GPR19: variants seen among roughly 807,000 people sequenced by gnomAD.
GPR19 encodes the protein G protein-coupled receptor 19.
Under a neutral mutation model 28.5 loss-of-function variants are expected in GPR19, and 14 were observed. The observed-to-expected ratio is 0.49, with a 90% CI of 0.32 to 0.77. GPR19 has a LOEUF of 0.77. GPR19 is among the 30% of genes least tolerant of loss of function. The pLI is 0.03. For synonymous variants in GPR19, 173 were observed against 184.1 expected, an observed-to-expected ratio of 0.94 and a Z score of 0.49; for missense variants, 409 against 504.1, an observed-to-expected ratio of 0.81 and a Z score of 1.81.
chr12:12,703,174 G>A, the GPR19 span, among the ~76,000 whole-genome samples: 1 of 152,164 alleles, frequency 6.6e-6, no homozygotes, highest in Non-Finnish European at 1.5e-5. Flanking sequence ...TTGAGTGAAT[G>A]AAGTACACCT....
At chr12:12,666,254 A>G (rs11834953) in intron 3 of GPR19, among the ~76,000 whole-genome samples, 2,747 of 152,258 alleles carry the variant, frequency 0.018, 81 homozygotes, top group African/African-American at 0.063. Context: ...CCTGGTTACA[A>G]TGAGAGGTTA....
the GPR19 span, among the ~76,000 whole-genome samples, chr12:12,705,260 T>C: frequency 6.6e-6 from 1 of 151,702 alleles, no homozygotes; most frequent in Non-Finnish European, 1.5e-5. Context: ...GAGGTTACAG[T>C]GAGCTGAGAT....
the GPR19 span, among the ~76,000 whole-genome samples, chr12:12,701,545 T>G: frequency 6.6e-6 from 1 of 152,176 alleles, no homozygotes; most frequent in East Asian, 1.9e-4. Flanking sequence ...GACAGTGTCC[T>G]TTCTATTCAC....
chr12:12,689,153 A>C (rs974616271), intron 2 of GPR19, among the ~76,000 whole-genome samples: 1 of 152,118 alleles, frequency 6.6e-6, no homozygotes, highest in African/African-American at 2.4e-5. Context: ...GGTGCCACAC[A>C]CTTAATACAG....
chr12:12,698,721 T>C (rs969282832), upstream of GPR19, among the ~76,000 whole-genome samples: 5 of 151,954 alleles, frequency 3.3e-5, no homozygotes, highest in Non-Finnish European at 5.9e-5. Context: ...AGCGATTCTC[T>C]TGCCTCAGCC....
At chr12:12,709,426 C>T in the GPR19 span, among the ~76,000 whole-genome samples, 2 of 152,132 alleles carry the variant, frequency 1.3e-5, no homozygotes, top group African/African-American at 4.8e-5. Context: ...ATCTTCATCA[C>T]ACATGGGCTG....
Position 12,661,895 on chromosome 12 carries a change from G to A in GPR19, c.554C>T (p.Ala185Val), listed in dbSNP as rs770537453. The A allele has an allele frequency of 1.7e-5, 27 of 1,614,066 alleles. No individual in the cohort carries two copies. In the Admixed American group the frequency reaches 2.0e-4, roughly 12 times the overall value. The change falls in exon 4 of 4, where the codon GCG becomes GTG. Residue 185 changes from alanine (A) to valine (V), a missense_variant. Coordinates refer to ENST00000651487, the MANE Select transcript of GPR19 (RefSeq NM_006143.3). The surrounding 1 kb of genome is among the most constrained non-coding windows in gnomAD (Gnocchi z 4.2). ...VSREKAKKMI[A>V]ASWVFDAGFV... ...GCCTGCATCAAAGACCCACGATGCC[G>A]CAATCATTTTCTTGGCTTTTTCTCT... is the stretch of plus-strand genomic sequence containing the variant.
chr12:12,666,827 A>G (rs980521750), intron 3 of GPR19, among the ~76,000 whole-genome samples: 2 of 152,206 alleles, frequency 1.3e-5, no homozygotes, highest in East Asian at 1.9e-4. Context: ...GAGGTGAAAC[A>G]TTGGGGATTA....
chr12:12,669,994 G>T (rs1945834913), intron 3 of GPR19, among the ~76,000 whole-genome samples: 1 of 152,168 alleles, frequency 6.6e-6, no homozygotes, highest in Non-Finnish European at 1.5e-5. Context: ...GCCTCCCAAA[G>T]TGCTGGGATT....
Position 12,681,237 on chromosome 12 carries a change from G to T in GPR19, c.-23+3114C>A, listed in dbSNP as rs144769770. Among the ~76,000 whole-genome samples, 588 of 152,288 alleles carry T rather than the reference G, an allele frequency of 3.9e-3. 6 individuals carry two copies. The highest frequency in any genetic ancestry group is 0.013 in the African/African-American group (558 of 41,542). On this transcript the variant is annotated intron_variant, in intron 3 of 3. Transcript: ENST00000651487. ...CCTCCCTACATACACCCTAGGAAGGGATCTGATCATTCCCCTGGCAGGCCC... is the reference window on the plus strand; with the variant it reads ...CCTCCCTACATACACCCTAGGAAGGTATCTGATCATTCCCCTGGCAGGCCC...
chr12:12,678,848 G>A (rs557025613), intron 3 of GPR19, among the ~76,000 whole-genome samples: 1 of 152,294 alleles, frequency 6.6e-6, no homozygotes, highest in Non-Finnish European at 1.5e-5. Flanking sequence ...CAAGGCTGGA[G>A]TGCAGTGGTG....
chr12:12,709,607 C>G, the GPR19 span, among the ~76,000 whole-genome samples: 2 of 152,060 alleles, frequency 1.3e-5, no homozygotes, highest in Non-Finnish European at 2.9e-5. Flanking sequence ...ACCTGGTTAA[C>G]TTTTTAAATT....
chr12:12,674,859 G>C (rs191126050), intron 3 of GPR19, among the ~76,000 whole-genome samples: 1 of 152,330 alleles, frequency 6.6e-6, no homozygotes, highest in Non-Finnish European at 1.5e-5. Flanking sequence ...GAGGGGTAGA[G>C]AGTAGTAAAC....
At chr12:12,692,293 G>A (rs1422094164) in intron 2 of GPR19, among the ~76,000 whole-genome samples, 2 of 152,150 alleles carry the variant, frequency 1.3e-5, no homozygotes, top group Admixed American at 6.5e-5. Flanking sequence ...TCTAACTCCA[G>A]AAAGACCTTT....
chr12:12,711,968 G>A, the GPR19 span, among the ~76,000 whole-genome samples: 1 of 152,074 alleles, frequency 6.6e-6, no homozygotes, highest in African/African-American at 2.4e-5. Context: ...AATTACCTCC[G>A]TGTCAGTCTC....
At chr12:12,665,655 A>T (rs902269647) in intron 3 of GPR19, among the ~76,000 whole-genome samples, 1 of 151,850 alleles carries the variant, frequency 6.6e-6, no homozygotes, top group African/African-American at 2.4e-5. Flanking sequence ...TGGCTAACAC[A>T]GTGAAACTCC....
At chr12:12,709,321 C>A in the GPR19 span, among the ~76,000 whole-genome samples, 1 of 151,974 alleles carries the variant, frequency 6.6e-6, no homozygotes, top group Non-Finnish European at 1.5e-5. Flanking sequence ...TTGCTCGGGG[C>A]TGTCTGTCTT....
intron 3 of GPR19, among the ~76,000 whole-genome samples, chr12:12,675,804 G>A (rs955572137): frequency 3.9e-5 from 6 of 152,064 alleles, no homozygotes; most frequent in African/African-American, 1.4e-4. Flanking sequence ...CAACCTGACT[G>A]AGCCTGGAAG....
At chr12:12,667,186 C>T (rs1945794527) in intron 3 of GPR19, among the ~76,000 whole-genome samples, 1 of 152,214 alleles carries the variant, frequency 6.6e-6, no homozygotes, top group African/African-American at 2.4e-5. Context: ...GGCTTCTTCA[C>T]CTCTTTCCTG....
Sources: gnomAD v4.1 joint callset for allele counts (sites outside exome capture counted in the v4.1 genomes callset) on GRCh38, gnomAD v4.1.1 for gene constraint, Gnocchi (gnomAD v3.1) non-coding constraint, MANE v1.5 for transcripts, NCBI Gene and HGNC (gene_info 2026-07-23, HGNC 2026-07-21) for gene names.